Variants in SUGCT observed in about 807,000 individuals in gnomAD.
SUGCT encodes the protein succinyl-CoA:glutarate-CoA transferase, also known as succinyl-CoA:glutarate CoA-transferase.
A neutral mutation model predicts 55.0 loss-of-function variants in SUGCT; 41 were observed. The observed-to-expected ratio is 0.74, with a 90% CI of 0.58 to 0.97. The LOEUF is 0.97. SUGCT is among the 50% of genes least tolerant of loss of function. The pLI, the probability that SUGCT is intolerant of heterozygous loss-of-function variation, is 0.00. For synonymous variants in SUGCT, 187 were observed against 200.4 expected (o/e 0.93, Z 0.56); for missense variants, 568 against 547.8 (o/e 1.04, Z -0.37).
intron 8 of SUGCT, among the ~76,000 whole-genome samples, chr7:40,278,851 C>T (rs1207284656): frequency 8.1e-5 from 12 of 147,312 alleles, no homozygotes; most frequent in Middle Eastern, 3.5e-3. Flanking sequence ...TAAAGAGATA[C>T]GGTCTCGTGC....
At chr7:40,701,627 G>A (rs538998762) in intron 12 of SUGCT, among the ~76,000 whole-genome samples, 2 of 152,296 alleles carry the variant, frequency 1.3e-5, no homozygotes, top group South Asian at 2.1e-4. Context: ...ACAGCCATTC[G>A]GGCACTGATA....
At chr7:40,808,786 A>G (rs571542136) in intron 13 of SUGCT, among the ~76,000 whole-genome samples, 6 of 152,356 alleles carry the variant, frequency 3.9e-5, no homozygotes, top group South Asian at 2.1e-4. Context: ...TATGAGAAAC[A>G]GAATTCAGGC....
the SUGCT span, among the ~76,000 whole-genome samples, chr7:40,962,147 T>C: frequency 6.6e-6 from 1 of 152,180 alleles, no homozygotes; most frequent in Non-Finnish European, 1.5e-5. Flanking sequence ...AGAGTGCTGA[T>C]TGGTGCATTT....
At chr7:40,722,457 G>C (rs1562964296) in intron 12 of SUGCT, among the ~76,000 whole-genome samples, 1 of 152,020 alleles carries the variant, frequency 6.6e-6, no homozygotes, top group Non-Finnish European at 1.5e-5. Context: ...ATGCTCCTTG[G>C]GAATGTTGGC....
chr7:40,245,450 T>TATTTTTTTA (rs1469872903), intron 7 of SUGCT, among the ~76,000 whole-genome samples: 5 of 82,790 alleles, frequency 6.0e-5, no homozygotes, highest in East Asian at 3.9e-4. Flanking sequence ...TTTTTTTTTT[T>TATTTTTTTA]TTTTTTTGAG....
chr7:40,810,769 A>G (rs2128757340), intron 13 of SUGCT, among the ~76,000 whole-genome samples: 1 of 152,258 alleles, frequency 6.6e-6, no homozygotes, highest in Non-Finnish European at 1.5e-5. Context: ...TATTTTAATT[A>G]GGTCCCACTT....
At chr7:40,375,997 T>C (rs1473084824) in intron 9 of SUGCT, among the ~76,000 whole-genome samples, 1 of 152,196 alleles carries the variant, frequency 6.6e-6, no homozygotes, top group African/African-American at 2.4e-5. Context: ...AGCATATGCT[T>C]TTCTAATGTG....
At chr7:40,238,822 CTTT>C (rs200564913) in intron 7 of SUGCT, among the ~76,000 whole-genome samples, 14 of 138,326 alleles carry the variant, frequency 1.0e-4, no homozygotes, top group African/African-American at 8.0e-5. Flanking sequence ...GTGGCCTTTG[CTTT>C]TTTTTTTTTT....
At chr7:40,619,008 C>A (rs769123533) in intron 12 of SUGCT, among the ~76,000 whole-genome samples, 4 of 152,186 alleles carry the variant, frequency 2.6e-5, no homozygotes, top group Non-Finnish European at 4.4e-5. Flanking sequence ...AACCCACCGT[C>A]TTTGAGTCAC....
the SUGCT span, among the ~76,000 whole-genome samples, chr7:40,871,079 A>G: frequency 6.6e-6 from 1 of 152,328 alleles, no homozygotes; most frequent in African/African-American, 2.4e-5. Flanking sequence ...AATGGTATTT[A>G]GAAACCAAGA....
chr7:40,420,876 A>G (rs868863462), intron 9 of SUGCT, among the ~76,000 whole-genome samples: 19 of 152,120 alleles, frequency 1.2e-4, no homozygotes, highest in African/African-American at 4.3e-4. Flanking sequence ...AGCATTGATA[A>G]GGTCTCTTCT....
chr7:40,898,495 G>T, the SUGCT span, among the ~76,000 whole-genome samples: 2 of 112,334 alleles, frequency 1.8e-5, no homozygotes, highest in Non-Finnish European at 2.1e-5. Context: ...GGGGGGGGGG[G>T]GGTGGATCAC....
chr7:40,144,739 T>TC (rs1157936418), intron 1 of SUGCT, among the ~76,000 whole-genome samples: 1 of 152,224 alleles, frequency 6.6e-6, no homozygotes, highest in Non-Finnish European at 1.5e-5. Flanking sequence ...GACTTTATAG[T>TC]CCTTGGTGTC....
chr7:40,514,998 C>G (rs1480668030), intron 12 of SUGCT, among the ~76,000 whole-genome samples: 1 of 152,084 alleles, frequency 6.6e-6, no homozygotes, highest in Non-Finnish European at 1.5e-5. Flanking sequence ...ACTTGATTTC[C>G]CTCAATAATT....
At chr7:40,935,352 C>T in the SUGCT span, among the ~76,000 whole-genome samples, 6 of 152,162 alleles carry the variant, frequency 3.9e-5, no homozygotes, top group Non-Finnish European at 7.4e-5. Context: ...AATTCGAGAA[C>T]ATTTTCATCA....
At chr7:40,496,681 T>C (rs948665222) in intron 12 of SUGCT, among the ~76,000 whole-genome samples, 1 of 152,116 alleles carries the variant, frequency 6.6e-6, no homozygotes, top group African/African-American at 2.4e-5. Flanking sequence ...AATTGAGATA[T>C]TGGGGTTGGG....
chr7:41,003,661 AC>A, the SUGCT span, among the ~76,000 whole-genome samples: 2 of 152,028 alleles, frequency 1.3e-5, no homozygotes, highest in African/African-American at 4.8e-5. Context: ...AGCCCAGCCC[AC>A]CCTATAATTT....
chr7:40,592,488 A>T (rs1382656708), intron 12 of SUGCT, among the ~76,000 whole-genome samples: 1 of 152,136 alleles, frequency 6.6e-6, no homozygotes, highest in Non-Finnish European at 1.5e-5. Context: ...GGCTAGAGGA[A>T]TGATGAAGGT....
At chr7:40,909,250 A>C in the SUGCT span, among the ~76,000 whole-genome samples, 1 of 152,188 alleles carries the variant, frequency 6.6e-6, no homozygotes, top group Non-Finnish European at 1.5e-5. Flanking sequence ...CAAGGTCTGG[A>C]AAACAGTAGA....
Sources: gnomAD v4.1 joint callset for allele counts (sites outside exome capture counted in the v4.1 genomes callset) on GRCh38, gnomAD v4.1.1 for gene constraint, MANE v1.5 for transcripts, NCBI Gene and HGNC (gene_info 2026-07-23, HGNC 2026-07-21) for gene names.